The following CCDC170 variants were observed in gnomAD, a reference collection of about 807,000 sequenced individuals.
CCDC170 encodes the protein coiled-coil domain containing 170, also known as coiled-coil domain-containing protein 170.
CCDC170 carries 69 observed loss-of-function variants against 72.6 expected under a neutral mutation model. The ratio of observed to expected loss-of-function variants is 0.95; its 90% CI spans 0.78 to 1.16. CCDC170 has a LOEUF of 1.16. Among genes scored for constraint, CCDC170 ranks in the 50% most tolerant of loss-of-function variants. CCDC170 has a pLI of 0.00. For synonymous variants in CCDC170, 300 were observed against 303.9 expected (o/e 0.99, Z 0.13); for missense variants, 852 against 832.5 (o/e 1.02, Z -0.29).
intron 6 of CCDC170, among the ~76,000 whole-genome samples, chr6:151,575,001 G>T (rs553330735): frequency 6.6e-6 from 1 of 152,014 alleles, no homozygotes; most frequent in African/African-American, 2.4e-5. Context: ...TTTAATTCAC[G>T]TATATGATTG....
In CCDC170 at chr6:151,508,202, A is replaced by G. The variant is rs1291639467; in HGVS notation, c.57+14017A>G. Among the ~76,000 whole-genome samples the G allele has an allele frequency of 2.0e-5, 3 of 152,222 alleles. No homozygotes were observed. In the East Asian group the frequency reaches 5.8e-4, roughly 29 times the overall value. ...TCCTGAGGAGCTAATTTAAATCAAT[A>G]GCTTATTAAGGTTTCAAGCATACCA... On this transcript the variant is annotated intron_variant, in intron 1 of 10. Transcript: ENST00000239374.
chr6:151,504,711 AT>A (rs1782041749), intron 1 of CCDC170, among the ~76,000 whole-genome samples: 1 of 151,988 alleles, frequency 6.6e-6, no homozygotes, highest in Non-Finnish European at 1.5e-5. Context: ...TTGATGTGCC[AT>A]CAGGACATGC....
intron 6 of CCDC170, among the ~76,000 whole-genome samples, chr6:151,578,541 G>A (rs1327013692): frequency 6.6e-6 from 1 of 152,114 alleles, no homozygotes. Context: ...TAGGGACCTC[G>A]TTTTCACTTC....
intron 4 of CCDC170, 34 bp downstream of exon 4, chr6:151,544,750 T>C (rs751184451): frequency 1.3e-6 from 2 of 1,574,896 alleles, no homozygotes; most frequent in East Asian, 2.3e-5. Flanking sequence ...TCTATAAATG[T>C]AGTGGTGATT....
chr6:151,531,907 T>C (rs1017338984), intron 1 of CCDC170, among the ~76,000 whole-genome samples: 1 of 152,222 alleles, frequency 6.6e-6, no homozygotes, highest in Non-Finnish European at 1.5e-5. Context: ...CCCCCCATGA[T>C]TCAATTACCT....
intron 1 of CCDC170, among the ~76,000 whole-genome samples, chr6:151,519,746 C>T (rs1312405350): frequency 1.3e-5 from 2 of 152,150 alleles, no homozygotes; most frequent in Admixed American, 1.3e-4. Context: ...GAGGAATTCC[C>T]AGACCGGAGG....
At chr6:151,508,617 G>A (rs1782097864) in intron 1 of CCDC170, among the ~76,000 whole-genome samples, 2 of 152,152 alleles carry the variant, frequency 1.3e-5, no homozygotes, top group Admixed American at 1.3e-4. Context: ...GGAGGCTGAA[G>A]CACAAGAATT....
intron 6 of CCDC170, among the ~76,000 whole-genome samples, chr6:151,584,003 C>T (rs1219863256): frequency 1.3e-5 from 2 of 152,202 alleles, no homozygotes; most frequent in Non-Finnish European, 2.9e-5. Flanking sequence ...ATCACCATAA[C>T]AGATATCATA....
intron 1 of CCDC170, among the ~76,000 whole-genome samples, chr6:151,535,760 T>C (rs1782565472): frequency 6.6e-6 from 1 of 152,138 alleles, no homozygotes; most frequent in South Asian, 2.1e-4. Flanking sequence ...TTTTTGTTTT[T>C]AGAGGCAGTC....
intron 1 of CCDC170, among the ~76,000 whole-genome samples, chr6:151,519,085 A>G (rs1384861903): frequency 6.6e-6 from 1 of 152,132 alleles, no homozygotes; most frequent in East Asian, 1.9e-4. Flanking sequence ...AATCGGTCTG[A>G]CCTCAAATTC....
chr6:151,583,625 T>G (rs1450837303), intron 6 of CCDC170, among the ~76,000 whole-genome samples: 1 of 152,034 alleles, frequency 6.6e-6, no homozygotes, highest in East Asian at 1.9e-4. Context: ...GTCCAGCTAA[T>G]TTTTGTATTT....
chr6:151,615,868 C>G, intron 10 of CCDC170, 189 bp downstream of exon 10: 1 of 562,162 alleles, frequency 1.8e-6, no homozygotes, highest in East Asian at 2.9e-5. Flanking sequence ...CATGTGCTCC[C>G]GAAGCGAGAA....
intron 6 of CCDC170, among the ~76,000 whole-genome samples, chr6:151,574,249 C>A (rs776172711): frequency 3.9e-5 from 6 of 152,140 alleles, no homozygotes; most frequent in Non-Finnish European, 8.8e-5. Flanking sequence ...GTATTAATTT[C>A]CATTTTAATG....
Position 151,573,276 on chromosome 6 carries a change from C to T in CCDC170, c.877C>T (p.Gln293Ter), listed in dbSNP as rs369045975. The change falls in exon 6 of 11, where the codon CAG becomes TAG. Residue 293 changes from glutamine (Q) to a stop codon, truncating the protein, a stop_gained. Transcript: ENST00000239374. LOFTEE classifies it high-confidence loss of function. Reference protein sequence around the residue: ...AGQQVWDASKQEVSLLKKSSS... With the variant: ...AGQQVWDASK The stretch of plus-strand genomic sequence containing the variant: ...CCAGCAGGTCTGGGATGCCTCAAAG[C>T]AGGAAGTGAGCCTCCTGAAGAAAAG... 43 of 1,614,168 alleles carry T rather than the reference C, an allele frequency of 2.7e-5. No homozygotes were observed. Among genetic ancestry groups the T allele is most frequent in the Middle Eastern group, 1.6e-4 (1 of 6,062 alleles).
At chr6:151,612,339 G>GT (rs1315653089) in intron 9 of CCDC170, among the ~76,000 whole-genome samples, 26 of 152,180 alleles carry the variant, frequency 1.7e-4, no homozygotes, top group African/African-American at 6.0e-4. Flanking sequence ...TGTCATCAAC[G>GT]TAAGTCATAG....
intron 7 of CCDC170, among the ~76,000 whole-genome samples, chr6:151,587,528 TGGCATGAAAAATGC>T (rs1397165915): frequency 1.3e-5 from 2 of 152,164 alleles, no homozygotes; most frequent in African/African-American, 4.8e-5. Context: ...ATGCCAAATT[TGGCATGAAAAATGC>T]CCTAAAGTTG....
chr6:151,596,165 A>C (rs1453625090), intron 8 of CCDC170, among the ~76,000 whole-genome samples, 170 bp from the exon 9 acceptor site: 1 of 152,180 alleles, frequency 6.6e-6, no homozygotes, highest in African/African-American at 2.4e-5. Context: ...AATTCTTGGA[A>C]AGGGTATGAG....
intron 5 of CCDC170, 101 bp downstream of exon 5, chr6:151,548,590 A>ATTT: frequency 2.2e-6 from 2 of 906,704 alleles, no homozygotes; most frequent in South Asian, 3.7e-5. Flanking sequence ...ACTGATTACG[A>ATTT]TTTTTTTTAT....
At chr6:151,592,249 A>G (rs1223637566) in intron 7 of CCDC170, among the ~76,000 whole-genome samples, 1 of 152,124 alleles carries the variant, frequency 6.6e-6, no homozygotes, top group Non-Finnish European at 1.5e-5. Context: ...AATCCCAGCT[A>G]CCTGGGAGGC....
Sources: gnomAD v4.1 joint callset for allele counts (sites outside exome capture counted in the v4.1 genomes callset) on GRCh38, gnomAD v4.1.1 for gene constraint, MANE v1.5 for transcripts, NCBI Gene and HGNC (gene_info 2026-07-23, HGNC 2026-07-21) for gene names.